PARN: variants seen among roughly 807,000 people sequenced by gnomAD.
PARN encodes the protein poly(A)-specific ribonuclease PARN.
Under a neutral mutation model 102.8 loss-of-function variants are expected in PARN, and 71 were observed. The observed-to-expected ratio is 0.69, with a 90% CI of 0.57 to 0.84. The LOEUF (loss-of-function observed/expected upper bound fraction) is 0.84. Among genes scored for constraint, PARN ranks in the 40% least tolerant of loss-of-function variants. The pLI, the probability that PARN is intolerant of heterozygous loss-of-function variation, is 0.00. For synonymous variants in PARN, 261 were observed against 252.9 expected, an observed-to-expected ratio of 1.03 and a Z score of -0.30; for missense variants, 782 against 760.9, an observed-to-expected ratio of 1.03 and a Z score of -0.33.
At chr16:14,543,407 C>T (rs1272203779) in intron 21 of PARN, among the ~76,000 whole-genome samples, 1 of 152,090 alleles carries the variant, frequency 6.6e-6, no homozygotes, top group Non-Finnish European at 1.5e-5. Context: ...TGGTAAATAT[C>T]TGACTAAATA....
At chr16:14,506,879 A>G (rs1964921443) in intron 21 of PARN, among the ~76,000 whole-genome samples, 1 of 152,238 alleles carries the variant, frequency 6.6e-6, no homozygotes, top group South Asian at 2.1e-4. Context: ...AAAATGCATG[A>G]GGTCTAACTC....
intron 5 of PARN, among the ~76,000 whole-genome samples, chr16:14,618,857 G>C (rs1241567836): frequency 6.6e-6 from 1 of 152,058 alleles, no homozygotes; most frequent in African/African-American, 2.4e-5. Flanking sequence ...CCTCAAATTA[G>C]ATAATGAAAG....
chr16:14,529,178 C>T (rs1326470286), intron 21 of PARN, among the ~76,000 whole-genome samples: 3 of 152,168 alleles, frequency 2.0e-5, no homozygotes, highest in African/African-American at 7.2e-5. Context: ...AAGGCTTCCC[C>T]ACAACTACAG....
At chr16:14,460,084 T>G (rs1386828515) in intron 22 of PARN, among the ~76,000 whole-genome samples, 1 of 152,164 alleles carries the variant, frequency 6.6e-6, no homozygotes, top group African/African-American at 2.4e-5. Flanking sequence ...AGAGTTCTCA[T>G]GTAGATATAA....
In PARN at chr16:14,563,520, G is replaced by GTA. The variant is rs747128076; in HGVS notation, c.1263-7812_1263-7811insTA. ...TGTGTGTGTGTGTGTGTGTGTGTGT[G>GTA]TGTATATAATTCTTTTAAGTTCTGG... On this transcript the variant is annotated intron_variant, in intron 18 of 23. Transcript: ENST00000437198. Among the ~76,000 whole-genome samples, 383 of 74,986 alleles carry GTA rather than the reference G, an allele frequency of 5.1e-3. 5 individuals are homozygous for GTA. Among genetic ancestry groups the GTA allele is most frequent in the African/African-American group, 0.019 (367 of 19,442 alleles). 49.2% of individuals were successfully genotyped at this position (74,986 alleles called of 152,430 possible). A position where few individuals can be genotyped will look rare whatever the true frequency, so the allele number is the denominator to read the frequency against.
chr16:14,609,985 G>A (rs1003524345), intron 7 of PARN, among the ~76,000 whole-genome samples: 1 of 151,898 alleles, frequency 6.6e-6, no homozygotes, highest in Non-Finnish European at 1.5e-5. Context: ...GCTGAGGCAG[G>A]AAGATCCCTT....
intron 22 of PARN, among the ~76,000 whole-genome samples, chr16:14,480,540 T>C (rs994193159): frequency 1.3e-5 from 2 of 152,170 alleles, no homozygotes; most frequent in Admixed American, 6.5e-5. Context: ...AGCCACCTCA[T>C]TGGTCAACAA....
rs537674531 is a variant in PARN at position 14,478,915 on chromosome 16, C to T, written c.1670+3723G>A. Among the ~76,000 whole-genome samples the T allele has an allele frequency of 5.3e-5, 8 of 152,236 alleles. No homozygotes were observed. In the South Asian group the frequency reaches 1.7e-3, roughly 32 times the overall value. On this transcript the variant is annotated intron_variant, in intron 22 of 23. Coordinates refer to ENST00000437198, the MANE Select transcript of PARN (RefSeq NM_002582.4). ...TCCTGCCCTCAGCCTCCTGAGTAGG[C>T]TTATAGGCACCTGCCACCACGGCCA...
chr16:14,458,667 A>C (rs1961803302), intron 22 of PARN, among the ~76,000 whole-genome samples: 1 of 152,152 alleles, frequency 6.6e-6, no homozygotes, highest in African/African-American at 2.4e-5. Context: ...AAGCCATGCA[A>C]AATCTCAGCA....
intron 12 of PARN, among the ~76,000 whole-genome samples, chr16:14,593,966 C>T (rs1005397738): frequency 1.3e-5 from 2 of 151,454 alleles, no homozygotes; most frequent in African/African-American, 4.9e-5. Flanking sequence ...CACTGCACTC[C>T]AGCCTGGGCA....
intron 11 of PARN, among the ~76,000 whole-genome samples, chr16:14,602,352 C>G (rs2151784335): frequency 1.3e-5 from 2 of 152,198 alleles, no homozygotes; most frequent in Middle Eastern, 6.8e-3. Flanking sequence ...TCTCATTCCT[C>G]ACGTACTCTG....
chr16:14,446,691 TTATGC>T (rs1567284185), intron 23 of PARN, among the ~76,000 whole-genome samples, 192 bp downstream of exon 23: 2 of 152,140 alleles, frequency 1.3e-5, no homozygotes, highest in African/African-American at 2.4e-5. Context: ...CCCCCAGGCC[TTATGC>T]TACCCGAGCC....
chr16:14,555,270 C>A (rs968701115), intron 19 of PARN, among the ~76,000 whole-genome samples: 7 of 152,152 alleles, frequency 4.6e-5, no homozygotes, highest in Admixed American at 3.9e-4. Context: ...AGAAATCAAC[C>A]TACTAAATTC....
At position 14,584,442 on chromosome 16, in the gene PARN, G is replaced by A; in HGVS notation, c.1006-20C>T. 6.3e-7 allele frequency: 1 copy of A among 1,592,682 alleles called. No individual in the cohort carries two copies. Among genetic ancestry groups the A allele is most frequent in the Non-Finnish European group, 8.6e-7 (1 of 1,161,754 alleles). ...GATATCCTGCAAACCACGAAGCAAAGAATTATGAGATTTCATCATCTCAGA... is the reference window on the plus strand; with the variant it reads ...GATATCCTGCAAACCACGAAGCAAAAAATTATGAGATTTCATCATCTCAGA... On this transcript the variant is annotated intron_variant, in intron 15 of 23. Transcript: ENST00000437198.
intron 18 of PARN, among the ~76,000 whole-genome samples, chr16:14,562,815 C>A (rs1349984387): frequency 2.0e-5 from 3 of 152,092 alleles, no homozygotes. Flanking sequence ...GAATCAGACA[C>A]CTCTAACATT....
intron 21 of PARN, among the ~76,000 whole-genome samples, chr16:14,539,047 T>C (rs1328985643): frequency 6.6e-6 from 1 of 152,040 alleles, no homozygotes; most frequent in Non-Finnish European, 1.5e-5. Context: ...TTATGGTGAG[T>C]TGTATAATTA....
At chr16:14,570,595 A>T (rs1968740688) in intron 18 of PARN, among the ~76,000 whole-genome samples, 1 of 151,226 alleles carries the variant, frequency 6.6e-6, no homozygotes, top group African/African-American at 2.4e-5. Flanking sequence ...GGTTGCAGTG[A>T]ACAAAGATCA....
Position 14,494,333 on chromosome 16 carries a change from G to A in PARN, c.1481-11506C>T, listed in dbSNP as rs148914641. ...CAGAGAGACAAAGCCCAGTACTCAA[G>A]GAGAGAAAGAGAGCACAGACCATCA... On this transcript the variant is annotated intron_variant, in intron 21 of 23. Coordinates refer to ENST00000437198, the MANE Select transcript of PARN (RefSeq NM_002582.4). Among the ~76,000 whole-genome samples the A allele has an allele frequency of 1.4e-4, 21 of 152,322 alleles. No individual in the cohort carries two copies. In the East Asian group the frequency reaches 3.3e-3, roughly 24 times the overall value.
At chr16:14,600,900 C>A (rs911289441) in intron 11 of PARN, among the ~76,000 whole-genome samples, 4 of 152,120 alleles carry the variant, frequency 2.6e-5, no homozygotes, top group Non-Finnish European at 5.9e-5. Flanking sequence ...CACCATTGCA[C>A]TCCAGCCTGG....
Sources: gnomAD v4.1 joint callset for allele counts (sites outside exome capture counted in the v4.1 genomes callset) on GRCh38, gnomAD v4.1.1 for gene constraint, MANE v1.5 for transcripts, NCBI Gene and HGNC (gene_info 2026-07-23, HGNC 2026-07-21) for gene names.